Variants in RALGPS1 observed in about 807,000 individuals in gnomAD.
The protein encoded by RALGPS1 is ras-specific guanine nucleotide-releasing factor RalGPS1.
Under a neutral mutation model 78.8 loss-of-function variants are expected in RALGPS1, and 19 were observed. That is an observed-to-expected ratio of 0.24 (90% CI 0.17 to 0.35). The LOEUF is 0.35. Ranked by LOEUF, RALGPS1 falls within the 10% of genes least tolerant of loss-of-function variation. RALGPS1 has a pLI of 1.00. For missense variants in RALGPS1, 454 were observed against 688.3 expected (o/e 0.66, Z 3.81); for synonymous variants, 228 against 256.3 (o/e 0.89, Z 1.06).
chr9:127,154,689 G>A (rs1235895331), intron 8 of RALGPS1, among the ~76,000 whole-genome samples: 1 of 152,214 alleles, frequency 6.6e-6, no homozygotes, highest in Non-Finnish European at 1.5e-5. Flanking sequence ...GAGTAAAGCT[G>A]ACAGTTTTGC....
chr9:127,136,576 G>A (rs1372713064), intron 8 of RALGPS1, among the ~76,000 whole-genome samples: 1 of 152,172 alleles, frequency 6.6e-6, no homozygotes, highest in Non-Finnish European at 1.5e-5. Flanking sequence ...CTATGGAACA[G>A]CAATTAAAAC....
At chr9:127,130,051 G>A (rs2056899640) in intron 8 of RALGPS1, among the ~76,000 whole-genome samples, 1 of 152,224 alleles carries the variant, frequency 6.6e-6, no homozygotes, top group Non-Finnish European at 1.5e-5. Context: ...AAGATAGGAA[G>A]CGAGTGAGGA....
chr9:127,023,942 CAGA>C (rs2045716313), intron 4 of RALGPS1, among the ~76,000 whole-genome samples: 1 of 144,992 alleles, frequency 6.9e-6, no homozygotes, highest in Admixed American at 7.3e-5. Context: ...GAAGCTGAGG[CAGA>C]AGAATTGCTT....
intron 8 of RALGPS1, among the ~76,000 whole-genome samples, chr9:127,158,761 G>A (rs1048307368): frequency 6.8e-6 from 1 of 146,590 alleles, no homozygotes; most frequent in Non-Finnish European, 1.5e-5. Context: ...TGAGGCTGTG[G>A]ACTTTTCTCT....
At chr9:127,143,428 A>C (rs2057909849) in intron 8 of RALGPS1, among the ~76,000 whole-genome samples, 1 of 152,136 alleles carries the variant, frequency 6.6e-6, no homozygotes, top group South Asian at 2.1e-4. Flanking sequence ...ATTAATTTAC[A>C]CCTCTCAGTT....
At chr9:127,098,969 A>T (rs2053450288) in intron 8 of RALGPS1, among the ~76,000 whole-genome samples, 1 of 152,246 alleles carries the variant, frequency 6.6e-6, no homozygotes, top group African/African-American at 2.4e-5. Context: ...TTACTAGGAA[A>T]ACATGGCTCC....
At chr9:126,958,140 A>AAAT (rs1554765201) in intron 1 of RALGPS1, among the ~76,000 whole-genome samples, 28 of 79,936 alleles carry the variant, frequency 3.5e-4, no homozygotes, top group Admixed American at 1.1e-3. Flanking sequence ...AAAAAAAAAA[A>AAAT]AAATATATAT....
chr9:127,145,091 G>A (rs1203142635), intron 8 of RALGPS1, among the ~76,000 whole-genome samples: 1 of 152,202 alleles, frequency 6.6e-6, no homozygotes, highest in Non-Finnish European at 1.5e-5. Context: ...TATAAAGTGA[G>A]ATAAGAAATA....
At chr9:126,952,587 A>G (rs1026648209) in intron 1 of RALGPS1, among the ~76,000 whole-genome samples, 2 of 151,724 alleles carry the variant, frequency 1.3e-5, no homozygotes, top group Non-Finnish European at 2.9e-5. Flanking sequence ...CTAGTGGGAA[A>G]CCTTTTGGCA....
chr9:126,946,000 A>G (rs777893594), intron 1 of RALGPS1, among the ~76,000 whole-genome samples: 1 of 152,050 alleles, frequency 6.6e-6, no homozygotes, highest in Non-Finnish European at 1.5e-5. Context: ...TTTTGCAATC[A>G]CTCTATTAAG....
chr9:126,940,113 T>C (rs955916572), intron 1 of RALGPS1, among the ~76,000 whole-genome samples: 1 of 152,142 alleles, frequency 6.6e-6, no homozygotes, highest in Non-Finnish European at 1.5e-5. Context: ...GGCTGACCCC[T>C]CCTTTTCCAA....
intron 7 of RALGPS1, among the ~76,000 whole-genome samples, chr9:127,060,557 A>G (rs2049123728): frequency 1.3e-5 from 2 of 151,334 alleles, no homozygotes; most frequent in East Asian, 1.9e-4. Context: ...AATATTTTCA[A>G]CTCTTCTTGA....
At chr9:127,165,996 G>A (rs2059272104) in intron 8 of RALGPS1, 73 bp from the exon 9 acceptor site, 3 of 1,521,062 alleles carry the variant, frequency 2.0e-6, no homozygotes, top group African/African-American at 1.4e-5. Context: ...TAGCAGATCA[G>A]TACTATTTTG....
At chr9:127,064,885 T>C (rs552072810) in intron 7 of RALGPS1, among the ~76,000 whole-genome samples, 1 of 103,986 alleles carries the variant, frequency 9.6e-6, no homozygotes, top group South Asian at 2.5e-4. Flanking sequence ...TTTTGTTTTG[T>C]TTTTGGTTTT....
In RALGPS1 at chr9:126,940,085, C is replaced by T. The variant is rs545724255; in HGVS notation, c.-65-22140C>T. ...AAGCCAGTGTTCTGGGATCTTATCT[C>T]CCAGGCACTCCCATTGAGGCTGACC... On this transcript the variant is annotated intron_variant, in intron 1 of 18. Transcript: ENST00000259351. 5.3e-5 allele frequency among the ~76,000 whole-genome samples: 8 copies of T among 152,262 alleles called. No homozygotes were observed. The East Asian group carries it at 1.5e-3, about 29-fold the overall frequency.
intron 10 of RALGPS1, among the ~76,000 whole-genome samples, chr9:127,174,444 T>G (rs1372887414): frequency 6.6e-6 from 1 of 152,186 alleles, no homozygotes; most frequent in African/African-American, 2.4e-5. Flanking sequence ...CTCCTCAGTT[T>G]CCTCATCTAG....
At chr9:127,058,993 G>A (rs535160169) in intron 7 of RALGPS1, among the ~76,000 whole-genome samples, 1 of 152,260 alleles carries the variant, frequency 6.6e-6, no homozygotes, top group Non-Finnish European at 1.5e-5. Context: ...CCTGGGAGGG[G>A]AACTATCCTG....
intron 8 of RALGPS1, among the ~76,000 whole-genome samples, chr9:127,107,536 G>A (rs2054335977): frequency 6.6e-6 from 1 of 152,118 alleles, no homozygotes. Context: ...TTTACAGAAG[G>A]CCAACCCTGT....
At chr9:126,993,951 A>G (rs1442031224) in intron 4 of RALGPS1, among the ~76,000 whole-genome samples, 5 of 152,324 alleles carry the variant, frequency 3.3e-5, no homozygotes, top group African/African-American at 9.6e-5. Context: ...ACTCCGACAG[A>G]CCTGCAGCTG....
Sources: allele counts gnomAD v4.1 joint callset (sites outside exome capture counted in the v4.1 genomes callset), GRCh38; gene constraint gnomAD v4.1.1; transcripts MANE v1.5; gene names NCBI Gene and HGNC (gene_info 2026-07-23, HGNC 2026-07-21).